The following SPATA21 variants were observed in gnomAD, a reference collection of about 807,000 sequenced individuals.
SPATA21 encodes the protein spermatogenesis associated 21, also known as spermatogenesis-associated protein 21.
A neutral mutation model predicts 54.8 loss-of-function variants in SPATA21; 47 were observed. The ratio of observed to expected loss-of-function variants is 0.86; its 90% CI spans 0.68 to 1.09. The LOEUF (loss-of-function observed/expected upper bound fraction) is 1.09, where lower values mean the gene tolerates loss of function less well. Ranked by LOEUF, SPATA21 falls within the 50% of genes least tolerant of loss-of-function variation. The pLI, the probability that SPATA21 is intolerant of heterozygous loss-of-function variation, is 0.00. For missense variants in SPATA21, 599 were observed against 596.4 expected, an observed-to-expected ratio of 1.00 and a Z score of -0.05; for synonymous variants, 245 against 235.3, an observed-to-expected ratio of 1.04 and a Z score of -0.38.
In SPATA21 at chr1:16,409,502, A is replaced by T; in HGVS notation, c.587+99T>A. 1 of 1,265,886 alleles carries T rather than the reference A, an allele frequency of 7.9e-7. No individual in the cohort carries two copies. Among genetic ancestry groups the T allele is most frequent in the Non-Finnish European group, 1.1e-6 (1 of 917,800 alleles). The allele number at this position is 1,265,886 out of a possible 1,614,324, so 78.4% of individuals were successfully genotyped here. On this transcript the variant is annotated intron_variant, in intron 6 of 12. Transcript: ENST00000335496. This position sits in a 1 kb window ranked among gnomAD's most constrained non-coding sequence, Gnocchi z 4.1. ...AGAAATGGAGAGAGGGGGACACACG[A>T]GGGAACAGGCAGGTGCAGGGACAGG...
rs372383604 is a variant in SPATA21 at position 16,409,171 on chromosome 1, A to C, written c.620T>G (p.Leu207Arg). The change falls in exon 7 of 13, where the codon CTT (leucine) becomes CGT (arginine). Residue 207 changes from leucine to arginine, a missense_variant. Leu to Arg is a moderately radical substitution (Grantham distance 102, BLOSUM62 -2). Coordinates refer to ENST00000335496, the MANE Select transcript of SPATA21 (RefSeq NM_198546.1). The surrounding 1 kb of genome is among the most constrained non-coding windows in gnomAD (Gnocchi z 4.1). ...QEPEEQSLQK[L>R]YQNREKSEEQ... ...CTCGGACTTCTCCCGGTTTTGATAA[A>C]GCTTTTGGAGGCTCTGCTCTTCCGG... 6.2e-6 allele frequency: 10 copies of C among 1,613,952 alleles called. No individual in the cohort carries two copies. In the African/African-American group the frequency reaches 9.3e-5, roughly 15 times the overall value.
chr1:16,424,236 C>A (rs1192583482), intron 3 of SPATA21, among the ~76,000 whole-genome samples: 1 of 954 alleles, frequency 1.0e-3, no homozygotes, highest in African/African-American at 4.4e-3. Flanking sequence ...TGGCATGAAC[C>A]TGGGAGGCAG....
chr1:16,425,567 C>T (rs768703816), intron 3 of SPATA21: 55 of 1,549,694 alleles, frequency 3.5e-5, no homozygotes, highest in South Asian at 3.3e-4. Context: ...TCCCCGGTTC[C>T]GTTGCCTCCC....
chr1:16,402,921 G>A (rs2085501140), intron 10 of SPATA21, among the ~76,000 whole-genome samples: 1 of 152,158 alleles, frequency 6.6e-6, no homozygotes, highest in Admixed American at 6.5e-5. Flanking sequence ...GCGAGACCCG[G>A]CCACCTCTCC....
intron 5 of SPATA21, among the ~76,000 whole-genome samples, chr1:16,420,030 TG>T (rs2086123616): frequency 6.6e-6 from 1 of 151,960 alleles, no homozygotes; most frequent in African/African-American, 2.4e-5. Flanking sequence ...AGAATGGAGA[TG>T]GGAGACCAGA....
chr1:16,428,932 C>G lies in SPATA21; in HGVS notation c.34+2406G>C, dbSNP rs996885186. On this transcript the variant is annotated intron_variant, in intron 3 of 12. Coordinates refer to ENST00000335496, the MANE Select transcript of SPATA21 (RefSeq NM_198546.1). The surrounding 1 kb of genome is among the most constrained non-coding windows in gnomAD (Gnocchi z 4.3). ...AATGAGGCTGCAAGGGGTGCAGTGACAGGCCCAACATCACACAGCTGGGTA... is the reference window on the plus strand; with the variant it reads ...AATGAGGCTGCAAGGGGTGCAGTGAGAGGCCCAACATCACACAGCTGGGTA... Among the ~76,000 whole-genome samples the G allele has an allele frequency of 1.3e-5, 2 of 152,186 alleles. No homozygotes were observed. Among genetic ancestry groups the G allele is most frequent in the African/African-American group, 4.8e-5 (2 of 41,454 alleles).
Position 16,403,988 on chromosome 1 carries a change from C to G in SPATA21, c.863G>C (p.Arg288Thr). ...KDFLAVMTDT[R>T]RFFCSVEQNA... ...CTCACCCACAGAGCAGAAGAAGCGC[C>G]TGGTGTCTGTCATCACAGCCAAGAA... is the stretch of plus-strand genomic sequence containing the variant. Residue 288 changes from arginine (R) to threonine (T), a missense_variant, in exon 9 of 13, where the codon AGG (arginine) becomes ACG (threonine). Transcript: ENST00000335496. 6.4e-7 allele frequency: 1 copy of G among 1,572,308 alleles called. No individual in the cohort carries two copies. Among genetic ancestry groups the G allele is most frequent in the Non-Finnish European group, 8.6e-7 (1 of 1,158,368 alleles).
At position 16,408,600 on chromosome 1, in the gene SPATA21, C is replaced by T. The variant is rs865789005; in HGVS notation, c.673+518G>A. ...AGAAGACCTAGCACGAGGCTGGGCG[C>T]GGTGGCTCACGCCTGTAATTCCAGA... On this transcript the variant is annotated intron_variant, in intron 7 of 12. Transcript: ENST00000335496. The T allele has an allele frequency of 3.6e-5, 32 of 896,284 alleles. No homozygotes were observed. The African/African-American group carries it at 4.5e-4, about 13-fold the overall frequency. The allele number at this position is 896,284 out of a possible 1,614,324, so 55.5% of individuals were successfully genotyped here. A position where few individuals can be genotyped will look rare whatever the true frequency, so the allele number is the denominator to read the frequency against.
At chr1:16,407,358 G>A (rs1323467966) in intron 7 of SPATA21, among the ~76,000 whole-genome samples, 3 of 152,172 alleles carry the variant, frequency 2.0e-5, no homozygotes, top group African/African-American at 4.8e-5. Flanking sequence ...GAGTCTCTGA[G>A]TCAAAGTGGC....
chr1:16,413,523 G>A (rs1312924229), intron 5 of SPATA21, among the ~76,000 whole-genome samples: 1 of 151,986 alleles, frequency 6.6e-6, no homozygotes, highest in Non-Finnish European at 1.5e-5. Context: ...AGTTCTCTGG[G>A]GTATATACCC....
At chr1:16,422,175 G>A in intron 3 of SPATA21, 2 of 1,441,814 alleles carry the variant, frequency 1.4e-6, no homozygotes, top group Non-Finnish European at 1.8e-6. Flanking sequence ...GTGACTGGGG[G>A]TGGATTGATA....
Position 16,431,427 on chromosome 1 carries a change from A to G in SPATA21, c.-51-5T>C. The G allele has an allele frequency of 6.2e-7, 1 of 1,607,966 alleles. No homozygotes were observed. The highest frequency in any genetic ancestry group is 8.5e-7 in the Non-Finnish European group (1 of 1,176,620). On this transcript the variant is annotated splice_polypyrimidine_tract_variant and splice_region_variant and intron_variant, in intron 2 of 12. Coordinates refer to ENST00000335496, the MANE Select transcript of SPATA21 (RefSeq NM_198546.1). ...GGGGCATCACCTAGTGTGCTCCTAC[A>G]GGAGAAATCCAATCAAGCGTCCCAC...
chr1:16,411,432 C>T (rs768014104), intron 5 of SPATA21, among the ~76,000 whole-genome samples: 7 of 152,180 alleles, frequency 4.6e-5, no homozygotes, highest in Non-Finnish European at 1.0e-4. Context: ...GATCCTCCTA[C>T]CTCAGCCTCC....
intron 7 of SPATA21, among the ~76,000 whole-genome samples, chr1:16,405,825 T>C (rs975307125): frequency 6.6e-6 from 1 of 152,218 alleles, no homozygotes; most frequent in African/African-American, 2.4e-5. Context: ...TCCATCCAGA[T>C]AGGTGACCAA....
chr1:16,408,869 CAAAA>C (rs141121121), intron 7 of SPATA21, among the ~76,000 whole-genome samples: 18,991 of 118,048 alleles, frequency 0.16, 1,544 homozygotes, highest in African/African-American at 0.26. Flanking sequence ...GACTCTGTCT[CAAAA>C]AAAAAAAAAA....
intron 7 of SPATA21, among the ~76,000 whole-genome samples, chr1:16,406,766 C>T (rs1028107204): frequency 2.0e-5 from 3 of 152,000 alleles, no homozygotes; most frequent in East Asian, 1.9e-4. Flanking sequence ...ATAATAAACG[C>T]AAATTTGGAC....
intron 3 of SPATA21, among the ~76,000 whole-genome samples, chr1:16,430,264 C>T (rs1165674680): frequency 6.6e-6 from 1 of 151,616 alleles, no homozygotes; most frequent in Non-Finnish European, 1.5e-5. Context: ...CTTGTCTCTA[C>T]AAAAAATTAA....
At position 16,409,206 on chromosome 1, in the gene SPATA21, G is replaced by T; in HGVS notation, c.588-3C>A. The T allele has an allele frequency of 1.2e-6, 2 of 1,613,986 alleles. No homozygotes were observed. The highest frequency in any genetic ancestry group is 1.7e-6 in the Non-Finnish European group (2 of 1,179,950). ...GGCTCTGCTCTTCCGGCTCCTGCCT[G>T]CAGAGGACAGAACCCCGACCCAGGG... On this transcript the variant is annotated splice_polypyrimidine_tract_variant and splice_region_variant and intron_variant, in intron 6 of 12. Coordinates refer to ENST00000335496, the MANE Select transcript of SPATA21 (RefSeq NM_198546.1). This position sits in a 1 kb window ranked among gnomAD's most constrained non-coding sequence, Gnocchi z 4.1.
chr1:16,417,266 C>CA (rs1553164782), intron 5 of SPATA21, among the ~76,000 whole-genome samples: 1 of 151,416 alleles, frequency 6.6e-6, no homozygotes, highest in Non-Finnish European at 1.5e-5. Flanking sequence ...TTTTCTTTGC[C>CA]TTTTTTCTTT....
Sources: gnomAD v4.1 joint callset for allele counts (sites outside exome capture counted in the v4.1 genomes callset) on GRCh38, gnomAD v4.1.1 for gene constraint, Gnocchi (gnomAD v3.1) non-coding constraint, MANE v1.5 for transcripts, NCBI Gene and HGNC (gene_info 2026-07-23, HGNC 2026-07-21) for gene names.